The following UHRF2 variants were observed in gnomAD, a reference collection of about 807,000 sequenced individuals.
UHRF2 encodes the protein E3 ubiquitin-protein ligase UHRF2.
Under a neutral mutation model 96.8 loss-of-function variants are expected in UHRF2, and 23 were observed. The observed-to-expected ratio is 0.24, with a 90% CI of 0.17 to 0.34. The LOEUF (loss-of-function observed/expected upper bound fraction) is 0.34. Ranked by LOEUF, UHRF2 falls within the 10% of genes least tolerant of loss-of-function variation. The pLI is 1.00. For missense variants in UHRF2, 685 were observed against 981.5 expected (o/e 0.70, Z 4.04); for synonymous variants, 385 against 332.6 (o/e 1.16, Z -1.72).
rs1816577765 is a variant in UHRF2 at position 6,506,262 on chromosome 9, G to A, written c.*83G>A. On this transcript the variant is annotated 3_prime_UTR_variant, in exon 16 of 16. Coordinates refer to ENST00000276893, the MANE Select transcript of UHRF2 (RefSeq NM_152896.3). The stretch of plus-strand genomic sequence containing the variant: ...ATGGGTGGGGAGGGTGGAAGAAATG[G>A]TGGACTGTATCTCTCACGTTCTGAA... The A allele has an allele frequency of 1.9e-6, 3 of 1,549,412 alleles. No individual in the cohort carries two copies. Among genetic ancestry groups the A allele is most frequent in the Admixed American group, 3.5e-5 (2 of 56,474 alleles).
chr9:6,500,597 C>T lies in UHRF2; in HGVS notation c.2051C>T (p.Ala684Val). ...ASKVYKASDS[A>V]EAIEAFQLTP... ...AAAGTGTACAAAGCATCAGATTCAG[C>T]AGAAGCAATTGAGGCTTTTCAACTA... Residue 684 changes from alanine (A) to valine (V), a missense_variant, in exon 14 of 16, where the codon GCA becomes GTA. By Grantham distance (64) the Ala-to-Val change is moderately conservative (BLOSUM62 0). This residue lies in a region of UHRF2 where 99 missense variants were observed against 73.5 expected (regional missense o/e 1.35). Transcript: ENST00000276893. The T allele has an allele frequency of 1.9e-6, 3 of 1,613,452 alleles. No individual in the cohort carries two copies. The highest frequency in any genetic ancestry group is 1.1e-5 in the South Asian group (1 of 91,032).
At chr9:6,473,830 A>C (rs188810557) in intron 4 of UHRF2, among the ~76,000 whole-genome samples, 60 of 152,332 alleles carry the variant, frequency 3.9e-4, no homozygotes, top group Admixed American at 3.9e-3. Context: ...TTTTTGACCT[A>C]CGCTCCAGAT....
Position 6,436,744 on chromosome 9 carries a change from A to G in UHRF2, c.644+2571A>G, listed in dbSNP as rs114398805. Among the ~76,000 whole-genome samples the G allele has an allele frequency of 8.4e-3, 1,279 of 152,358 alleles. 18 individuals carry two copies. Among genetic ancestry groups the G allele is most frequent in the African/African-American group, 0.029 (1,203 of 41,592 alleles). ...TGGTGTATCTTAGAGCACAAAACACAGTACCTTAGCATATATTTGGCAACT... is the reference window on the plus strand; with the variant it reads ...TGGTGTATCTTAGAGCACAAAACACGGTACCTTAGCATATATTTGGCAACT... On this transcript the variant is annotated intron_variant, in intron 3 of 15. Transcript: ENST00000276893.
chr9:6,414,279 A>C (rs995722169), intron 1 of UHRF2: 1 of 152,378 alleles, frequency 6.6e-6, no homozygotes, highest in Admixed American at 6.5e-5. Context: ...AGACCTGGGC[A>C]TGAAGAAACT....
chr9:6,422,069 C>G (rs777054245), intron 2 of UHRF2, among the ~76,000 whole-genome samples: 2 of 152,102 alleles, frequency 1.3e-5, no homozygotes, highest in African/African-American at 2.4e-5. Context: ...CTTCTGTTAA[C>G]CTGGTGCATA....
intron 3 of UHRF2, among the ~76,000 whole-genome samples, chr9:6,448,550 A>C (rs1036889541): frequency 1.1e-4 from 16 of 152,230 alleles, no homozygotes; most frequent in Admixed American, 4.6e-4. Flanking sequence ...GAATAATGCC[A>C]GACTGTCCTA....
At chr9:6,462,910 C>G (rs943489474) in intron 4 of UHRF2, among the ~76,000 whole-genome samples, 9 of 149,380 alleles carry the variant, frequency 6.0e-5, no homozygotes, top group African/African-American at 2.0e-4. Flanking sequence ...GAGCGAGACT[C>G]TGTCTAAAAA....
intron 2 of UHRF2, among the ~76,000 whole-genome samples, chr9:6,425,985 T>C (rs1265358161): frequency 6.6e-6 from 1 of 152,230 alleles, no homozygotes; most frequent in African/African-American, 2.4e-5. Flanking sequence ...CTGCTGCTTT[T>C]GAATTGATTG....
At chr9:6,443,202 G>T (rs952778086) in intron 3 of UHRF2, among the ~76,000 whole-genome samples, 5 of 152,114 alleles carry the variant, frequency 3.3e-5, no homozygotes, top group Non-Finnish European at 7.3e-5. Context: ...GCAAATGATC[G>T]CCAGGAGCCT....
chr9:6,455,956 C>T (rs1442485062), intron 3 of UHRF2, among the ~76,000 whole-genome samples: 1 of 152,148 alleles, frequency 6.6e-6, no homozygotes, highest in African/African-American at 2.4e-5. Context: ...GCACTCCAGC[C>T]TGGGTGACAG....
At chr9:6,479,378 G>C (rs919575039) in intron 6 of UHRF2, among the ~76,000 whole-genome samples, 1 of 151,982 alleles carries the variant, frequency 6.6e-6, no homozygotes, top group African/African-American at 2.4e-5. Context: ...AGGTAATCCC[G>C]ATTTTCTACC....
At position 6,434,089 on chromosome 9, in the gene UHRF2, A is replaced by G. The variant is rs767750776; in HGVS notation, c.560A>G (p.Asn187Ser). The G allele has an allele frequency of 8.7e-6, 14 of 1,614,016 alleles. No individual in the cohort carries two copies. In the Admixed American group the frequency reaches 2.0e-4, roughly 23 times the overall value. The change falls in exon 3 of 16, where the codon AAT becomes AGT. Residue 187 changes from asparagine (N) to serine (S), a missense_variant. Physicochemically the swap from Asn to Ser is conservative, Grantham distance 46 (BLOSUM62 1). Around this residue, in one of 6 missense-constraint regions of UHRF2, gnomAD observed 391 missense variants for 437.0 expected, o/e 0.89. Transcript: ENST00000276893. Reference protein sequence around the residue: ...NIKHKSKENTNKLDSVPSTSN... With the variant: ...NIKHKSKENTSKLDSVPSTSN... ...AAGCATAAATCCAAAGAGAACACAAATAAATTGGACAGTGTACCCTCTACG... is the reference window on the plus strand; with the variant it reads ...AAGCATAAATCCAAAGAGAACACAAGTAAATTGGACAGTGTACCCTCTACG...
chr9:6,437,521 C>G (rs1820923171), intron 3 of UHRF2, among the ~76,000 whole-genome samples: 1 of 152,224 alleles, frequency 6.6e-6, no homozygotes, highest in African/African-American at 2.4e-5. Context: ...GTATGAGTCA[C>G]TGCACCTGGC....
intron 1 of UHRF2, among the ~76,000 whole-genome samples, chr9:6,416,424 G>C (rs1015990843): frequency 5.3e-5 from 8 of 151,654 alleles, no homozygotes; most frequent in African/African-American, 1.7e-4. Flanking sequence ...TATAAGTTTT[G>C]GTTAGAGTAG....
chr9:6,463,789 T>C (rs563230085), intron 4 of UHRF2, among the ~76,000 whole-genome samples: 2 of 152,104 alleles, frequency 1.3e-5, no homozygotes, highest in Admixed American at 6.5e-5. Context: ...TTTTTTTTTT[T>C]AATGATTAGA....
intron 9 of UHRF2, among the ~76,000 whole-genome samples, chr9:6,487,614 G>T (rs376295849): frequency 6.6e-6 from 1 of 152,110 alleles, no homozygotes; most frequent in African/African-American, 2.4e-5. Context: ...TGATCCTCCC[G>T]CCTTGGCCTC....
At position 6,482,064 on chromosome 9, in the gene UHRF2, A is replaced by G. The variant is rs1197621988; in HGVS notation, c.1357A>G (p.Ile453Val). 2 of 1,614,100 alleles carry G rather than the reference A, an allele frequency of 1.2e-6. No homozygotes were observed. The highest frequency in any genetic ancestry group is 1.7e-6 in the Non-Finnish European group (2 of 1,179,982). The change falls in exon 8 of 16, where the codon ATT becomes GTT. Residue 453 changes from isoleucine (I) to valine (V), a missense_variant. Physicochemically the swap from Ile to Val is conservative, Grantham distance 29. Around this residue, in one of 6 missense-constraint regions of UHRF2, gnomAD observed 73 missense variants for 283.7 expected, o/e 0.26. Coordinates refer to ENST00000276893, the MANE Select transcript of UHRF2 (RefSeq NM_152896.3). ...TAATCATTATGGACCCATTCCTGGT[A>G]TTCCTGTTGGATCAACTTGGAGATT... ...PSNHYGPIPG[I>V]PVGSTWRFRV...
intron 3 of UHRF2, among the ~76,000 whole-genome samples, chr9:6,453,716 A>T (rs929360051): frequency 1.2e-4 from 18 of 152,146 alleles, no homozygotes; most frequent in Non-Finnish European, 2.6e-4. Context: ...CATCCTGGCT[A>T]ACATGGTGAA....
intron 9 of UHRF2, among the ~76,000 whole-genome samples, chr9:6,488,507 C>T (rs1219195487): frequency 1.4e-5 from 2 of 148,108 alleles, no homozygotes; most frequent in Admixed American, 1.4e-4. Flanking sequence ...TTCTTAACCT[C>T]TGACAACCAC....
Sources: gnomAD v4.1 joint callset for allele counts (sites outside exome capture counted in the v4.1 genomes callset) on GRCh38, gnomAD v4.1.1 for gene constraint, gnomAD v4.1.1 regional missense constraint, MANE v1.5 for transcripts, NCBI Gene and HGNC (gene_info 2026-07-23, HGNC 2026-07-21) for gene names.